Variants in EXOC6B observed in about 807,000 individuals in gnomAD.
EXOC6B encodes the protein exocyst complex component 6B.
Under a neutral mutation model 113.5 loss-of-function variants are expected in EXOC6B, and 54 were observed. The observed-to-expected ratio is 0.48, with a 90% confidence interval of 0.38 to 0.60. The LOEUF (loss-of-function observed/expected upper bound fraction) is 0.60, where lower values mean the gene tolerates loss of function less well. Among genes scored for constraint, EXOC6B ranks in the 20% least tolerant of loss-of-function variants. The pLI, the probability that EXOC6B is intolerant of heterozygous loss-of-function variation, is 0.00. For missense variants in EXOC6B, 797 were observed against 977.5 expected, an observed-to-expected ratio of 0.82 and a Z score of 2.46; for synonymous variants, 357 against 339.0, an observed-to-expected ratio of 1.05 and a Z score of -0.58.
intron 17 of EXOC6B, among the ~76,000 whole-genome samples, chr2:72,478,664 T>C (rs1698892610): frequency 6.6e-6 from 1 of 152,190 alleles, no homozygotes. Context: ...CCTCAGCATT[T>C]TTTCATGCTA....
intron 19 of EXOC6B, among the ~76,000 whole-genome samples, chr2:72,346,045 A>G (rs1047264638): frequency 6.6e-6 from 1 of 152,150 alleles, no homozygotes; most frequent in African/African-American, 2.4e-5. Context: ...AGGAAAGTGA[A>G]GGCTAACTCT....
Position 72,768,053 on chromosome 2 carries a change from G to C in EXOC6B, c.114-26584C>G, listed in dbSNP as rs550551129. Among the ~76,000 whole-genome samples the C allele has an allele frequency of 6.7e-5, 10 of 148,398 alleles. No homozygotes were observed. In the East Asian group the frequency reaches 2.0e-3, roughly 30 times the overall value. On this transcript the variant is annotated intron_variant, in intron 1 of 21. Coordinates refer to ENST00000272427, the MANE Select transcript of EXOC6B (RefSeq NM_015189.3). ...AATCACATGAACCCGGGAGGCAGAGGTTACAGTGAGTTGAGATCATGCCAC... is the reference window on the plus strand; with the variant it reads ...AATCACATGAACCCGGGAGGCAGAGCTTACAGTGAGTTGAGATCATGCCAC...
chr2:72,693,974 AGG>A lies in EXOC6B; in HGVS notation c.669+24127_669+24128del, dbSNP rs1677685176. 3.3e-5 allele frequency among the ~76,000 whole-genome samples: 5 copies of A among 152,252 alleles called. No individual in the cohort carries two copies. The South Asian group carries it at 1.0e-3, about 32-fold the overall frequency. On this transcript the variant is annotated intron_variant, in intron 6 of 21. Transcript: ENST00000272427. ...CTCTATCCTAACTTGTCATAAAAGC[AGG>A]GTGAGGAAATGTGACATGAGATACT... is the stretch of plus-strand genomic sequence containing the variant.
chr2:72,298,447 A>G (rs1686289609), intron 20 of EXOC6B, among the ~76,000 whole-genome samples: 1 of 152,126 alleles, frequency 6.6e-6, no homozygotes, highest in East Asian at 1.9e-4. Flanking sequence ...CCAATTTGCC[A>G]GTCTGTGTCT....
At chr2:72,328,761 T>C (rs1258458097) in intron 20 of EXOC6B, among the ~76,000 whole-genome samples, 1 of 152,272 alleles carries the variant, frequency 6.6e-6, no homozygotes, top group South Asian at 2.1e-4. Flanking sequence ...CTTTGGGATA[T>C]GATGACCCTG....
At chr2:72,698,898 A>C (rs546345715) in intron 6 of EXOC6B, among the ~76,000 whole-genome samples, 2 of 152,336 alleles carry the variant, frequency 1.3e-5, no homozygotes, top group East Asian at 1.9e-4. Flanking sequence ...CTCTTCACAA[A>C]TCATGAAGAA....
At chr2:72,299,573 C>T (rs975568665) in intron 20 of EXOC6B, among the ~76,000 whole-genome samples, 17 of 152,028 alleles carry the variant, frequency 1.1e-4, no homozygotes, top group African/African-American at 3.6e-4. Context: ...TGTTGGCGAT[C>T]CTTTGGGGTG....
intron 17 of EXOC6B, among the ~76,000 whole-genome samples, chr2:72,477,516 T>G (rs896893976): frequency 6.6e-6 from 1 of 152,212 alleles, no homozygotes; most frequent in Non-Finnish European, 1.5e-5. Context: ...AATTAGACTT[T>G]CTTCTTCCCC....
At chr2:72,795,781 T>C (rs1441490759) in intron 1 of EXOC6B, among the ~76,000 whole-genome samples, 1 of 152,122 alleles carries the variant, frequency 6.6e-6, no homozygotes, top group Non-Finnish European at 1.5e-5. Context: ...GTAATTATCC[T>C]GGATTAATCA....
rs968641977 is a variant in EXOC6B, at chr2:72,701,635, T to C, written c.669+16468A>G. On this transcript the variant is annotated intron_variant, in intron 6 of 21. Coordinates refer to ENST00000272427, the MANE Select transcript of EXOC6B (RefSeq NM_015189.3). Reference sequence around the variant, plus strand: ...CCTCAAGAAATTGTCAATAAATGATTATCATAAGGAATTCTACTTCCCGGA... The same window carrying C: ...CCTCAAGAAATTGTCAATAAATGATCATCATAAGGAATTCTACTTCCCGGA... Among the ~76,000 whole-genome samples the C allele has an allele frequency of 2.6e-5, 4 of 152,258 alleles. No individual in the cohort carries two copies. The East Asian group carries it at 7.7e-4, about 29-fold the overall frequency.
chr2:72,406,526 A>T (rs1693778791), intron 18 of EXOC6B, among the ~76,000 whole-genome samples: 1 of 152,174 alleles, frequency 6.6e-6, no homozygotes, highest in Non-Finnish European at 1.5e-5. Flanking sequence ...GTGCAATCAA[A>T]CTAGAACTCA....
At position 72,499,862 on chromosome 2, in the gene EXOC6B, A is replaced by G. The variant is rs1256835011; in HGVS notation, c.1239+39T>C. 5.8e-6 allele frequency: 8 copies of G among 1,386,100 alleles called. No homozygotes were observed. In the South Asian group the frequency reaches 7.4e-5, roughly 13 times the overall value. 85.9% of individuals were successfully genotyped at this position (1,386,100 alleles called of 1,614,324 possible). On this transcript the variant is annotated intron_variant, in intron 12 of 21. Coordinates refer to ENST00000272427, the MANE Select transcript of EXOC6B (RefSeq NM_015189.3). The stretch of plus-strand genomic sequence containing the variant: ...AAAAAGGTTTAGAGCTGATTATAAT[A>G]CCAATCTAGATGAGCATATGTAAAC...
At chr2:72,676,524 T>C (rs558864939) in intron 6 of EXOC6B, among the ~76,000 whole-genome samples, 8 of 152,252 alleles carry the variant, frequency 5.3e-5, no homozygotes, top group Non-Finnish European at 1.0e-4. Flanking sequence ...ATACATCTTT[T>C]AAGCATCAGA....
intron 8 of EXOC6B, among the ~76,000 whole-genome samples, chr2:72,521,884 G>A (rs1701507342): frequency 1.3e-5 from 2 of 152,082 alleles, no homozygotes; most frequent in Non-Finnish European, 2.9e-5. Flanking sequence ...TTTCAGTAGA[G>A]ACAAGGTTTC....
At position 72,179,466 on chromosome 2, in the gene EXOC6B, A is replaced by G. The variant is rs1256595398; in HGVS notation, c.2310-5T>C. Reference sequence around the variant, plus strand: ...TTGCGGCTAGTATCCTTCATCCTAAACAGAGAAGGAAAGAAAGAGGGCAAC... The same window carrying G: ...TTGCGGCTAGTATCCTTCATCCTAAGCAGAGAAGGAAAGAAAGAGGGCAAC... On this transcript the variant is annotated splice_region_variant and splice_polypyrimidine_tract_variant and intron_variant, in intron 21 of 21. Coordinates refer to ENST00000272427, the MANE Select transcript of EXOC6B (RefSeq NM_015189.3). 1 of 1,613,746 alleles carries G rather than the reference A, an allele frequency of 6.2e-7. No homozygotes were observed. The highest frequency in any genetic ancestry group is 8.5e-7 in the Non-Finnish European group (1 of 1,179,866).
chr2:72,303,789 T>C (rs979427554), intron 20 of EXOC6B, among the ~76,000 whole-genome samples: 7 of 152,208 alleles, frequency 4.6e-5, no homozygotes, highest in African/African-American at 1.4e-4. Flanking sequence ...AGTTCTTGAA[T>C]TGGTTCTTTT....
rs923877882 is a variant in EXOC6B, at chr2:72,508,184, A to AAAAAAAAAAAAAAAAAAAAAAC, written c.1167+4947_1167+4948insGTTTTTTTTTTTTTTTTTTTTT. Among the ~76,000 whole-genome samples the AAAAAAAAAAAAAAAAAAAAAAC allele has an allele frequency of 1.1e-4, 10 of 89,108 alleles. 1 individual carries two copies. The highest frequency in any genetic ancestry group is 5.3e-4 in the African/African-American group (8 of 15,020). 58.5% of individuals were successfully genotyped at this position (89,108 alleles called of 152,430 possible). A position where few individuals can be genotyped will look rare whatever the true frequency, so the allele number is the denominator to read the frequency against. On this transcript the variant is annotated intron_variant, in intron 11 of 21. Transcript: ENST00000272427. ...CCCGCAAAAAAAAAAAAAAAAAAAAAACACCTAAAAACAGTACTTTGATGG... is the reference window on the plus strand; with the variant it reads ...CCCGCAAAAAAAAAAAAAAAAAAAAAAAAAAAAAAAAAAAAAAAAAACACACCTAAAAACAGTACTTTGATGG...
At chr2:72,482,837 A>G (rs1291086676) in intron 16 of EXOC6B, among the ~76,000 whole-genome samples, 1 of 152,208 alleles carries the variant, frequency 6.6e-6, no homozygotes, top group African/African-American at 2.4e-5. Flanking sequence ...CATCCTGACA[A>G]TCTTAGGAAG....
chr2:72,312,759 A>AAC (rs1687272940), intron 20 of EXOC6B, among the ~76,000 whole-genome samples: 1 of 150,872 alleles, frequency 6.6e-6, no homozygotes, highest in African/African-American at 2.5e-5. Flanking sequence ...TTGTCTCAAA[A>AAC]AACAACAACA....
Sources: gnomAD v4.1 joint callset for allele counts (sites outside exome capture counted in the v4.1 genomes callset) on GRCh38, gnomAD v4.1.1 for gene constraint, MANE v1.5 for transcripts, NCBI Gene and HGNC (gene_info 2026-07-23, HGNC 2026-07-21) for gene names.